The following GABRA3 variants were observed in gnomAD, a reference collection of about 807,000 sequenced individuals.
GABRA3 encodes the protein gamma-aminobutyric acid type A receptor subunit alpha3.
A neutral mutation model predicts 30.1 loss-of-function variants in GABRA3; 10 were observed. The observed-to-expected ratio is 0.33, with a 90% confidence interval of 0.20 to 0.56. GABRA3 has a LOEUF of 0.56. GABRA3 is among the 20% of genes least tolerant of loss of function. The probability of loss-of-function intolerance (pLI) is 0.89; values close to 1 mark genes in which losing one functional copy is unlikely to be tolerated. For missense variants in GABRA3, 233 were observed against 392.0 expected (o/e 0.59, Z 3.42); for synonymous variants, 151 against 146.8 (o/e 1.03, Z -0.21).
chrX:152,176,329 T>C (rs1937075665), intron 9 of GABRA3, among the ~76,000 whole-genome samples: 1 of 111,263 alleles, frequency 9.0e-6, no homozygotes, highest in Admixed American at 9.6e-5. Context: ...TTCCCTACTG[T>C]TGGGCAGAGA....
At chrX:152,209,430 G>A (rs776309726) in intron 6 of GABRA3, among the ~76,000 whole-genome samples, 20 of 111,387 alleles carry the variant, frequency 1.8e-4, no homozygotes, top group Non-Finnish European at 3.0e-4. Flanking sequence ...GAAGCTGACC[G>A]CATACTGTAT....
intron 2 of GABRA3, among the ~76,000 whole-genome samples, chrX:152,350,032 C>A (rs1940453434): frequency 1.2e-5 from 1 of 83,569 alleles, no homozygotes; most frequent in Non-Finnish European, 2.3e-5. Context: ...CACACCTATT[C>A]CAAAATTGAC....
At chrX:152,390,304 G>A (rs923537541) in intron 1 of GABRA3, among the ~76,000 whole-genome samples, 2 of 111,662 alleles carry the variant, frequency 1.8e-5, no homozygotes, top group Non-Finnish European at 3.8e-5. Flanking sequence ...AGCAATGACA[G>A]GAAACCATAA....
chrX:152,329,336 G>GA (rs1316292150), intron 3 of GABRA3, among the ~76,000 whole-genome samples: 3 of 111,462 alleles, frequency 2.7e-5, no homozygotes, highest in Admixed American at 9.6e-5. Context: ...CACAGAATTG[G>GA]AAAAAACTAC....
chrX:152,314,963 A>AT (rs1939851005), intron 3 of GABRA3, among the ~76,000 whole-genome samples: 1 of 110,770 alleles, frequency 9.0e-6, no homozygotes, highest in Admixed American at 9.7e-5. Flanking sequence ...GAATAAAAAG[A>AT]TTTTTTTTCT....
chrX:152,358,898 T>C (rs11798193), intron 2 of GABRA3, among the ~76,000 whole-genome samples: 25,331 of 111,247 alleles, frequency 0.23, 2,777 homozygotes, highest in African/African-American at 0.44. Flanking sequence ...AACCTTGCAT[T>C]CCAGGCATAA....
chrX:152,260,691 C>T (rs1346743859), intron 4 of GABRA3, among the ~76,000 whole-genome samples: 2 of 111,404 alleles, frequency 1.8e-5, no homozygotes, highest in South Asian at 3.8e-4. Flanking sequence ...GCTTGAGGTG[C>T]CCCCTAAAAC....
intron 7 of GABRA3, among the ~76,000 whole-genome samples, chrX:152,199,351 C>T (rs5924730): frequency 0.29 from 28,780 of 100,156 alleles, 4,904 homozygotes; most frequent in Non-Finnish European, 0.42. Flanking sequence ...GGGCAACAGG[C>T]GAGACTCTGT....
intron 3 of GABRA3, among the ~76,000 whole-genome samples, chrX:152,291,059 T>C (rs1939404068): frequency 8.9e-6 from 1 of 111,831 alleles, no homozygotes; most frequent in Non-Finnish European, 1.9e-5. Flanking sequence ...AAGAAAGTCA[T>C]TGGTAACTTG....
intron 1 of GABRA3, among the ~76,000 whole-genome samples, chrX:152,434,217 T>G (rs1293335072): frequency 9.0e-6 from 1 of 110,777 alleles, no homozygotes; most frequent in Non-Finnish European, 1.9e-5. Context: ...GTGGGCACAA[T>G]CTAATCAGCT....
chrX:152,449,696 C>T (rs1490244545), intron 1 of GABRA3, among the ~76,000 whole-genome samples: 1 of 111,584 alleles, frequency 9.0e-6, no homozygotes, highest in Non-Finnish European at 1.9e-5. Flanking sequence ...TGTATCTACA[C>T]TTGCCTAACA....
At chrX:152,271,210 G>A (rs1044971536) in intron 4 of GABRA3, among the ~76,000 whole-genome samples, 1 of 111,026 alleles carries the variant, frequency 9.0e-6, no homozygotes, top group South Asian at 3.8e-4. Context: ...TGATCCACCC[G>A]CCTAGGCCTC....
At chrX:152,431,342 T>C (rs1204485499) in intron 1 of GABRA3, among the ~76,000 whole-genome samples, 1 of 112,239 alleles carries the variant, frequency 8.9e-6, no homozygotes, top group East Asian at 2.8e-4. Flanking sequence ...ATAAAACTAA[T>C]AAAATATCTT....
At chrX:152,232,294 A>C (rs1938096136) in intron 5 of GABRA3, among the ~76,000 whole-genome samples, 1 of 110,594 alleles carries the variant, frequency 9.0e-6, no homozygotes, top group African/African-American at 3.3e-5. Flanking sequence ...TAGGGGGTAC[A>C]AGTGCCATTT....
intron 5 of GABRA3, among the ~76,000 whole-genome samples, chrX:152,249,594 ATTTG>A (rs1423419902): frequency 4.5e-5 from 5 of 110,002 alleles, no homozygotes; most frequent in Non-Finnish European, 9.5e-5. Context: ...TTAAATGCAA[ATTTG>A]TTTGATTTCT....
intron 3 of GABRA3, among the ~76,000 whole-genome samples, chrX:152,328,926 G>C (rs1237980486): frequency 2.7e-5 from 3 of 111,839 alleles, no homozygotes; most frequent in African/African-American, 9.8e-5. Context: ...ATTTGCAGAT[G>C]ACATGATTGT....
chrX:152,299,408 G>C (rs1939591304), intron 3 of GABRA3, among the ~76,000 whole-genome samples: 1 of 110,187 alleles, frequency 9.1e-6, no homozygotes, highest in Non-Finnish European at 1.9e-5. Flanking sequence ...TTGTGTTTGG[G>C]GCTGCAGCCC....
At chrX:152,227,423 A>C (rs6627219) in intron 5 of GABRA3, among the ~76,000 whole-genome samples, 10,455 of 99,199 alleles carry the variant, frequency 0.11, 1,138 homozygotes, top group East Asian at 0.28. Context: ...AGGAGATATA[A>C]CTAATGCTAG....
chrX:152,251,209 T>G (rs1464458868), intron 5 of GABRA3: 1 of 276,183 alleles, frequency 3.6e-6, no homozygotes, highest in Non-Finnish European at 7.1e-6. Flanking sequence ...GCATTCTACA[T>G]AGACTCTAAT....
Sources: allele counts gnomAD v4.1 joint callset (sites outside exome capture counted in the v4.1 genomes callset), GRCh38; gene constraint gnomAD v4.1.1; transcripts MANE v1.5; gene names NCBI Gene and HGNC (gene_info 2026-07-23, HGNC 2026-07-21).